ZNF664: variants seen among roughly 807,000 people sequenced by gnomAD.
ZNF664 encodes zinc finger protein 664, also known as zinc finger Organ of Corti 1.
ZNF664 carries 10 observed loss-of-function variants against 18.2 expected under a neutral mutation model. The observed-to-expected ratio is 0.55, with a 90% CI of 0.34 to 0.93. ZNF664 has a LOEUF of 0.93. ZNF664 is among the 40% of genes least tolerant of loss of function. The probability of loss-of-function intolerance (pLI) is 0.02; values close to 1 mark genes in which losing one functional copy is unlikely to be tolerated. For missense variants in ZNF664, 193 were observed against 319.0 expected (o/e 0.61, Z 3.01); for synonymous variants, 119 against 104.2 (o/e 1.14, Z -0.86).
intron 3 of ZNF664, 42 bp downstream of exon 3, chr12:123,988,180 AT>A: frequency 1.6e-6 from 2 of 1,230,624 alleles, no homozygotes; most frequent in South Asian, 8.2e-5. Context: ...TAGATGGAGA[AT>A]CCCCCTTGAG....
At chr12:124,000,856 A>G (rs1337445328) in intron 3 of ZNF664, among the ~76,000 whole-genome samples, 1 of 152,114 alleles carries the variant, frequency 6.6e-6, no homozygotes, top group East Asian at 1.9e-4. Flanking sequence ...GTTGGTAGGC[A>G]GTCTTATTCC....
At chr12:123,988,958 G>T (rs1956856331) in intron 3 of ZNF664, among the ~76,000 whole-genome samples, 1 of 152,284 alleles carries the variant, frequency 6.6e-6, no homozygotes, top group East Asian at 1.9e-4. Flanking sequence ...AGAAAGGAAA[G>T]CCCTTGTCTT....
chr12:123,997,292 C>T (rs1956961195), intron 3 of ZNF664, among the ~76,000 whole-genome samples: 1 of 152,184 alleles, frequency 6.6e-6, no homozygotes, highest in African/African-American at 2.4e-5. Context: ...GGCAAAATTT[C>T]ACTGAGAGCA....
intron 2 of ZNF664, among the ~76,000 whole-genome samples, chr12:123,977,004 C>T (rs1001112174): frequency 2.6e-5 from 4 of 152,046 alleles, no homozygotes; most frequent in South Asian, 2.1e-4. Context: ...GGCGTGAACC[C>T]GGGAGGTGGA....
At position 123,987,882 on chromosome 12, in the gene ZNF664, C is replaced by T. The variant is rs1956843279; in HGVS notation, c.-756-161C>T. ...TCATCCCTTCTTTGGACCTCCATGC[C>T]TTGAATCCCATATATTTATATAAAT... On this transcript the variant is annotated intron_variant, in intron 2 of 4. Coordinates refer to ENST00000337815, the MANE Select transcript of ZNF664 (RefSeq NM_152437.3). The T allele has an allele frequency of 3.4e-6, 3 of 887,184 alleles. No homozygotes were observed. The African/African-American group carries it at 5.4e-5, about 16-fold the overall frequency. The allele number at this position is 887,184 out of a possible 1,614,324, so 55.0% of individuals were successfully genotyped here. A position where few individuals can be genotyped will look rare whatever the true frequency, so the allele number is the denominator to read the frequency against.
intron 2 of ZNF664, among the ~76,000 whole-genome samples, chr12:123,982,801 TA>T (rs1956781576): frequency 6.6e-6 from 1 of 152,166 alleles, no homozygotes; most frequent in Admixed American, 6.5e-5. Context: ...CCTAGAGATG[TA>T]ATAAAGGGAT....
intron 3 of ZNF664, among the ~76,000 whole-genome samples, chr12:124,005,212 C>A (rs760065620): frequency 2.6e-5 from 4 of 152,164 alleles, no homozygotes; most frequent in Non-Finnish European, 4.4e-5. Flanking sequence ...GGGCCTGTCA[C>A]CACACGAGTT....
At position 123,973,511 on chromosome 12, in the gene ZNF664, G is replaced by A. The variant is rs917396042; in HGVS notation, c.-892+159G>A. The A allele has an allele frequency of 5.7e-4, 244 of 430,102 alleles. 1 individual carries two copies. The highest frequency in any genetic ancestry group is 7.1e-4 in the Non-Finnish European group (230 of 322,384). 26.6% of individuals were successfully genotyped at this position (430,102 alleles called of 1,614,324 possible). A position where few individuals can be genotyped will look rare whatever the true frequency, so the allele number is the denominator to read the frequency against. On this transcript the variant is annotated intron_variant, in intron 1 of 4. Coordinates refer to ENST00000337815, the MANE Select transcript of ZNF664 (RefSeq NM_152437.3). ...GGATGGGCCTCGGGATGGCGGGGAAGGTCAGAGCGGCTCCGCGCAGCCTGG... is the reference window on the plus strand; with the variant it reads ...GGATGGGCCTCGGGATGGCGGGGAAAGTCAGAGCGGCTCCGCGCAGCCTGG...
At chr12:123,993,684 T>G (rs1274478518) in intron 3 of ZNF664, among the ~76,000 whole-genome samples, 1 of 152,216 alleles carries the variant, frequency 6.6e-6, no homozygotes, top group Non-Finnish European at 1.5e-5. Context: ...ATGTACGTCC[T>G]GATACCTAAA....
At chr12:123,997,523 T>C (rs1194699260) in intron 3 of ZNF664, among the ~76,000 whole-genome samples, 1 of 152,224 alleles carries the variant, frequency 6.6e-6, no homozygotes, top group African/African-American at 2.4e-5. Flanking sequence ...CCTTGGCTTG[T>C]AGACATATCA....
At position 123,974,036 on chromosome 12, in the gene ZNF664, G is replaced by A; in HGVS notation, c.-757+16G>A. 1 of 1,004,224 alleles carries A rather than the reference G, an allele frequency of 1.0e-6. No individual in the cohort carries two copies. The highest frequency in any genetic ancestry group is 1.3e-6 in the Non-Finnish European group (1 of 788,350). 62.2% of individuals were successfully genotyped at this position (1,004,224 alleles called of 1,614,324 possible). On this transcript the variant is annotated intron_variant, in intron 2 of 4. Coordinates refer to ENST00000337815, the MANE Select transcript of ZNF664 (RefSeq NM_152437.3). Reference sequence around the variant, plus strand: ...TCTCACCCAGGTAAACCGGCTGCCGGCGCTGTCCACTTCCCTCTGACTCCC... The same window carrying A: ...TCTCACCCAGGTAAACCGGCTGCCGACGCTGTCCACTTCCCTCTGACTCCC...
intron 3 of ZNF664, among the ~76,000 whole-genome samples, chr12:123,990,594 C>A (rs1956877838): frequency 6.6e-6 from 1 of 152,144 alleles, no homozygotes; most frequent in Admixed American, 6.5e-5. Flanking sequence ...CTTACTACCA[C>A]AGTGGAAGGA....
At chr12:123,989,432 T>C (rs1280833798) in intron 3 of ZNF664, 1 of 152,208 alleles carries the variant, frequency 6.6e-6, no homozygotes, top group Non-Finnish European at 1.5e-5. Context: ...GGCCAGTCTT[T>C]ATCGTGAGTG....
At chr12:124,003,911 A>G (rs1472586105) in intron 3 of ZNF664, among the ~76,000 whole-genome samples, 2 of 152,220 alleles carry the variant, frequency 1.3e-5, no homozygotes, top group African/African-American at 4.8e-5. Flanking sequence ...TAAACCTGGC[A>G]TTATTCAGCC....
In ZNF664 at chr12:123,975,076, A is replaced by G. The variant is rs573991550; in HGVS notation, c.-757+1056A>G. 4.6e-5 allele frequency among the ~76,000 whole-genome samples: 7 copies of G among 152,256 alleles called. 1 individual carries two copies. In the South Asian group the frequency reaches 1.5e-3, roughly 32 times the overall value. On this transcript the variant is annotated intron_variant, in intron 2 of 4. Transcript: ENST00000337815. Reference sequence around the variant, plus strand: ...GAAGTTGTGTGACCTTGGGGAGGACATTGAATCACACCAAACCTCGGTTTT... The same window carrying G: ...GAAGTTGTGTGACCTTGGGGAGGACGTTGAATCACACCAAACCTCGGTTTT...
intron 2 of ZNF664, among the ~76,000 whole-genome samples, chr12:123,980,581 T>C (rs1026695551): frequency 6.6e-6 from 1 of 152,170 alleles, no homozygotes; most frequent in Non-Finnish European, 1.5e-5. Flanking sequence ...ATATATTTAG[T>C]GGCAAATAAC....
At chr12:123,997,121 A>G (rs1566203016) in intron 3 of ZNF664, among the ~76,000 whole-genome samples, 1 of 152,226 alleles carries the variant, frequency 6.6e-6, no homozygotes, top group Non-Finnish European at 1.5e-5. Context: ...GAAATCTGCA[A>G]CTTCTTTTTT....
At chr12:123,973,803 A>G in intron 1 of ZNF664, 83 bp from the exon 2 acceptor site, 3 of 1,192,854 alleles carry the variant, frequency 2.5e-6, no homozygotes, top group Non-Finnish European at 3.1e-6. Context: ...GTCCCGGGAG[A>G]GGCGGTCATG....
intron 2 of ZNF664, among the ~76,000 whole-genome samples, chr12:123,980,120 A>AGT (rs1446034652): frequency 6.6e-6 from 1 of 152,206 alleles, no homozygotes; most frequent in African/African-American, 2.4e-5. Flanking sequence ...ATGAAGGGTG[A>AGT]GTGTGTGTAT....
Sources: gnomAD v4.1 joint callset for allele counts (sites outside exome capture counted in the v4.1 genomes callset) on GRCh38, gnomAD v4.1.1 for gene constraint, MANE v1.5 for transcripts, NCBI Gene and HGNC (gene_info 2026-07-23, HGNC 2026-07-21) for gene names.